NAV2: variants seen among roughly 807,000 people sequenced by gnomAD.
NAV2 encodes the protein helicase, APC down-regulated 1.
Under a neutral mutation model 223.2 loss-of-function variants are expected in NAV2, and 54 were observed. That is an observed-to-expected ratio of 0.24 (90% CI 0.19 to 0.30). NAV2 has a LOEUF of 0.30. NAV2 is among the 10% of genes least tolerant of loss of function. The pLI is 1.00. For synonymous variants in NAV2, 1,279 were observed against 1,239.3 expected (o/e 1.03, Z -0.67); for missense variants, 2,806 against 3,147.5 (o/e 0.89, Z 2.60).
intron 3 of NAV2, among the ~76,000 whole-genome samples, chr11:19,860,207 G>A (rs1322672733): frequency 1.5e-4 from 22 of 144,940 alleles, no homozygotes; most frequent in Middle Eastern, 3.8e-3. Flanking sequence ...GGTGGCTGCC[G>A]GGCGGAGACG....
At chr11:19,670,241 A>G (rs1027716916) in intron 1 of NAV2, among the ~76,000 whole-genome samples, 7 of 152,122 alleles carry the variant, frequency 4.6e-5, no homozygotes, top group Non-Finnish European at 8.8e-5. Flanking sequence ...TAGGCCTCAG[A>G]TCCTTTAGCA....
rs1362584840 is a variant in NAV2, at chr11:20,080,253, G to T, written c.5325+44G>T. Reference sequence around the variant, plus strand: ...TCCTGGGGACTGACGGACAGAGTCAGTTGCAGAACTGGCTGCTGCATCTCC... The same window carrying T: ...TCCTGGGGACTGACGGACAGAGTCATTTGCAGAACTGGCTGCTGCATCTCC... On this transcript the variant is annotated intron_variant, in intron 25 of 37. Coordinates refer to ENST00000349880, the MANE Select transcript of NAV2 (RefSeq NM_145117.5). The T allele has an allele frequency of 2.5e-6, 4 of 1,583,160 alleles. No homozygotes were observed. The African/African-American group carries it at 4.0e-5, about 16-fold the overall frequency.
intron 26 of NAV2, among the ~76,000 whole-genome samples, chr11:20,086,168 G>T (rs944284350): frequency 3.0e-4 from 45 of 152,166 alleles, no homozygotes; most frequent in African/African-American, 8.4e-4. Flanking sequence ...ATGTATAATG[G>T]GTGGGTGTGG....
chr11:19,837,824 C>A (rs1041655738), intron 2 of NAV2, among the ~76,000 whole-genome samples: 5 of 152,186 alleles, frequency 3.3e-5, no homozygotes, highest in African/African-American at 1.2e-4. Context: ...AGAGCAATCA[C>A]ATGGTCTAAA....
chr11:19,765,450 C>T (rs566432448), intron 1 of NAV2, among the ~76,000 whole-genome samples: 246 of 143,756 alleles, frequency 1.7e-3, no homozygotes, highest in Admixed American at 3.1e-3. Context: ...TCTTCCCCTT[C>T]CCCTTCCCCT....
chr11:20,084,257 C>T (rs989949167), intron 26 of NAV2, among the ~76,000 whole-genome samples: 43 of 152,112 alleles, frequency 2.8e-4, no homozygotes, highest in Non-Finnish European at 2.9e-5. Context: ...GCCACCATGC[C>T]CAGCTAATTT....
intron 1 of NAV2, among the ~76,000 whole-genome samples, chr11:19,628,602 G>A (rs1415032300): frequency 1.3e-5 from 2 of 152,200 alleles, no homozygotes; most frequent in Admixed American, 6.5e-5. Context: ...GTAACTCACA[G>A]ATCCTGAAGT....
intron 1 of NAV2, among the ~76,000 whole-genome samples, chr11:19,781,565 G>A (rs1012057953): frequency 2.2e-4 from 33 of 152,048 alleles, no homozygotes; most frequent in Non-Finnish European, 1.6e-4. Context: ...TTTCCCCAGA[G>A]AGGCATTGGT....
At chr11:19,588,631 G>C (rs930086530) in intron 1 of NAV2, among the ~76,000 whole-genome samples, 1 of 152,210 alleles carries the variant, frequency 6.6e-6, no homozygotes, top group African/African-American at 2.4e-5. Flanking sequence ...TGGAGACATA[G>C]GTTGGAGGGC....
At chr11:20,111,800 G>C (rs1592213421) in intron 36 of NAV2, among the ~76,000 whole-genome samples, 1 of 152,212 alleles carries the variant, frequency 6.6e-6, no homozygotes, top group African/African-American at 2.4e-5. Context: ...GACAAGTTTG[G>C]ACTAGAAGAG....
chr11:19,804,373 G>T (rs2058432865), intron 1 of NAV2, among the ~76,000 whole-genome samples: 1 of 152,174 alleles, frequency 6.6e-6, no homozygotes, highest in Non-Finnish European at 1.5e-5. Flanking sequence ...GTCTTGCAAG[G>T]TATCTAAGTG....
chr11:20,010,445 C>G (rs1444122446), intron 11 of NAV2, among the ~76,000 whole-genome samples: 1 of 152,160 alleles, frequency 6.6e-6, no homozygotes, highest in African/African-American at 2.4e-5. Flanking sequence ...CCTTTTCTCC[C>G]TGGAGTTTGA....
At chr11:19,516,823 C>T (rs984552910) in intron 1 of NAV2, among the ~76,000 whole-genome samples, 1 of 152,090 alleles carries the variant, frequency 6.6e-6, no homozygotes, top group Non-Finnish European at 1.5e-5. Context: ...TACAACATAC[C>T]CAAGTATTCA....
chr11:19,744,529 C>T (rs1590269471), intron 1 of NAV2, among the ~76,000 whole-genome samples: 1 of 151,366 alleles, frequency 6.6e-6, no homozygotes, highest in African/African-American at 2.4e-5. Context: ...CTTATGGCTT[C>T]AATCAGTACT....
intron 5 of NAV2, among the ~76,000 whole-genome samples, chr11:19,891,445 C>G (rs1252375757): frequency 6.6e-6 from 1 of 152,164 alleles, no homozygotes; most frequent in Non-Finnish European, 1.5e-5. Context: ...GCCATAATAT[C>G]TTTAGACACA....
chr11:20,112,352 C>T (rs1256495277), intron 36 of NAV2, among the ~76,000 whole-genome samples: 1 of 152,152 alleles, frequency 6.6e-6, no homozygotes, highest in Non-Finnish European at 1.5e-5. Flanking sequence ...CAGACTGGGC[C>T]AGAGCGCAGG....
At chr11:19,517,818 C>A (rs1051349715) in intron 1 of NAV2, among the ~76,000 whole-genome samples, 1 of 152,198 alleles carries the variant, frequency 6.6e-6, no homozygotes, top group African/African-American at 2.4e-5. Flanking sequence ...CTTGTTATAG[C>A]TGAGGATTTC....
At chr11:19,638,465 T>G (rs2047565592) in intron 1 of NAV2, among the ~76,000 whole-genome samples, 1 of 152,208 alleles carries the variant, frequency 6.6e-6, no homozygotes, top group African/African-American at 2.4e-5. Flanking sequence ...ATTTTGCCAG[T>G]TACTAACCAT....
chr11:20,094,563 C>T (rs1376089853), intron 29 of NAV2, among the ~76,000 whole-genome samples: 2 of 152,056 alleles, frequency 1.3e-5, no homozygotes, highest in Admixed American at 6.6e-5. Context: ...CAGGTTACAC[C>T]TTGTGGATTA....
Sources: gnomAD v4.1 joint callset for allele counts (sites outside exome capture counted in the v4.1 genomes callset) on GRCh38, gnomAD v4.1.1 for gene constraint, MANE v1.5 for transcripts, NCBI Gene and HGNC (gene_info 2026-07-23, HGNC 2026-07-21) for gene names.